SCAPER: variants seen among roughly 807,000 people sequenced by gnomAD.
SCAPER encodes S phase cyclin A-associated protein in the endoplasmic reticulum.
Under a neutral mutation model 182.2 loss-of-function variants are expected in SCAPER, and 98 were observed. The ratio of observed to expected loss-of-function variants is 0.54; its 90% CI spans 0.46 to 0.64. SCAPER has a LOEUF of 0.64. SCAPER is among the 30% of genes least tolerant of loss of function. The pLI is 0.00. For missense variants in SCAPER, 1,432 were observed against 1,690.0 expected, an observed-to-expected ratio of 0.85 and a Z score of 2.68; for synonymous variants, 605 against 564.6, an observed-to-expected ratio of 1.07 and a Z score of -1.01.
chr15:76,382,972 G>C (rs1268583906), intron 27 of SCAPER, among the ~76,000 whole-genome samples: 2 of 147,988 alleles, frequency 1.4e-5, no homozygotes, highest in Non-Finnish European at 3.0e-5. Flanking sequence ...AATTTGGCAT[G>C]ATCTACACAA....
At chr15:76,533,543 C>T (rs1370719688) in intron 23 of SCAPER, among the ~76,000 whole-genome samples, 4 of 151,926 alleles carry the variant, frequency 2.6e-5, no homozygotes, top group Non-Finnish European at 5.9e-5. Context: ...TGTAAGTATA[C>T]TCTATGATGT....
intron 20 of SCAPER, among the ~76,000 whole-genome samples, chr15:76,686,050 T>C (rs1489085824): frequency 1.3e-5 from 2 of 152,054 alleles, no homozygotes; most frequent in Admixed American, 6.5e-5. Flanking sequence ...AAAAGTACTA[T>C]CTATAAAGGA....
At chr15:76,551,372 C>A (rs964824501) in intron 23 of SCAPER, among the ~76,000 whole-genome samples, 4 of 149,756 alleles carry the variant, frequency 2.7e-5, no homozygotes, top group Non-Finnish European at 4.4e-5. Context: ...GAATACTATT[C>A]AGCCACAAAA....
chr15:76,725,678 AAGAAATAC>A (rs372874542), intron 17 of SCAPER, among the ~76,000 whole-genome samples: 8 of 152,212 alleles, frequency 5.3e-5, no homozygotes, highest in African/African-American at 9.6e-5. Flanking sequence ...ACAGTGAGCC[AAGAAATAC>A]AGCCATTGTA....
At chr15:76,514,750 T>C (rs1213813512) in intron 23 of SCAPER, among the ~76,000 whole-genome samples, 5 of 152,222 alleles carry the variant, frequency 3.3e-5, no homozygotes, top group African/African-American at 1.2e-4. Flanking sequence ...TTTATAGAGA[T>C]GAGAACGTCC....
intron 23 of SCAPER, among the ~76,000 whole-genome samples, chr15:76,544,632 G>A (rs1381225400): frequency 6.6e-6 from 1 of 152,136 alleles, no homozygotes. Flanking sequence ...TAGACAGAAA[G>A]TAGATTCATG....
At chr15:76,638,396 G>C (rs994956252) in intron 21 of SCAPER, among the ~76,000 whole-genome samples, 1 of 151,952 alleles carries the variant, frequency 6.6e-6, no homozygotes, top group African/African-American at 2.4e-5. Flanking sequence ...ATCCAGTTTA[G>C]TATAAAATAG....
chr15:76,709,466 G>A (rs1489294406), intron 17 of SCAPER, among the ~76,000 whole-genome samples: 1 of 151,960 alleles, frequency 6.6e-6, no homozygotes, highest in Non-Finnish European at 1.5e-5. Flanking sequence ...CACTTAAGAC[G>A]AAAAAGACAA....
intron 23 of SCAPER, among the ~76,000 whole-genome samples, chr15:76,548,394 C>T (rs1194406223): frequency 3.3e-5 from 5 of 152,030 alleles, no homozygotes; most frequent in African/African-American, 9.7e-5. Context: ...TTGACATTTT[C>T]GGCGATTAGG....
intron 4 of SCAPER, among the ~76,000 whole-genome samples, chr15:76,851,543 A>G (rs2070757244): frequency 6.6e-6 from 1 of 152,220 alleles, no homozygotes; most frequent in Non-Finnish European, 1.5e-5. Flanking sequence ...CAACATTCTT[A>G]GAGAAAAAAA....
At chr15:76,421,403 G>A (rs1309300729) in intron 26 of SCAPER, among the ~76,000 whole-genome samples, 1 of 152,196 alleles carries the variant, frequency 6.6e-6, no homozygotes, top group South Asian at 2.1e-4. Context: ...GTGTCTGTTG[G>A]CAGCATAAAT....
intron 24 of SCAPER, among the ~76,000 whole-genome samples, chr15:76,490,443 A>C (rs1288321083): frequency 6.6e-6 from 1 of 152,188 alleles, no homozygotes; most frequent in East Asian, 1.9e-4. Flanking sequence ...TTCTTTGGAC[A>C]TGTAAAGATA....
chr15:76,521,229 T>C (rs977923804), intron 23 of SCAPER, among the ~76,000 whole-genome samples: 25 of 152,162 alleles, frequency 1.6e-4, no homozygotes, highest in African/African-American at 6.0e-4. Context: ...TCATTTTGGG[T>C]ATCTGTATAC....
chr15:76,541,229 A>T (rs1016767016), intron 23 of SCAPER, among the ~76,000 whole-genome samples: 1 of 143,190 alleles, frequency 7.0e-6, no homozygotes, highest in Non-Finnish European at 1.5e-5. Flanking sequence ...ATTAAAAAAT[A>T]TATATCTAAA....
chr15:76,405,527 G>A (rs1420821275), intron 26 of SCAPER, among the ~76,000 whole-genome samples: 1 of 152,164 alleles, frequency 6.6e-6, no homozygotes, highest in African/African-American at 2.4e-5. Flanking sequence ...AAAAGTACCA[G>A]TCCTGAGGGT....
At chr15:76,835,560 C>CATCT (rs1174004819) in intron 5 of SCAPER, among the ~76,000 whole-genome samples, 5 of 152,074 alleles carry the variant, frequency 3.3e-5, no homozygotes, top group Non-Finnish European at 7.4e-5. Flanking sequence ...TAATAAGAGC[C>CATCT]ATCTATGACA....
intron 24 of SCAPER, among the ~76,000 whole-genome samples, chr15:76,491,177 C>A (rs1391966659): frequency 6.6e-6 from 1 of 152,146 alleles, no homozygotes; most frequent in African/African-American, 2.4e-5. Context: ...GCTCTATATG[C>A]CTGTCTTTAT....
At chr15:76,442,767 A>AT (rs761771475) in intron 25 of SCAPER, among the ~76,000 whole-genome samples, 1 of 152,210 alleles carries the variant, frequency 6.6e-6, no homozygotes, top group Non-Finnish European at 1.5e-5. Flanking sequence ...AGCTTCTCAA[A>AT]TTCAAAACAT....
intron 21 of SCAPER, among the ~76,000 whole-genome samples, chr15:76,624,946 ATGT>A (rs755977104): frequency 1.3e-5 from 2 of 152,028 alleles, no homozygotes; most frequent in Non-Finnish European, 2.9e-5. Context: ...GTTCACTCTC[ATGT>A]TGTTGGTGGT....
Sources: gnomAD v4.1 joint callset for allele counts (sites outside exome capture counted in the v4.1 genomes callset) on GRCh38, gnomAD v4.1.1 for gene constraint, MANE v1.5 for transcripts, NCBI Gene and HGNC (gene_info 2026-07-23, HGNC 2026-07-21) for gene names.